Variants in ZBTB7C observed in about 807,000 individuals in gnomAD.
The protein encoded by ZBTB7C is zinc finger and BTB domain-containing protein 7C.
Under a neutral mutation model 25.7 loss-of-function variants are expected in ZBTB7C, and 8 were observed. That is an observed-to-expected ratio of 0.31 (90% CI 0.18 to 0.56). The LOEUF (loss-of-function observed/expected upper bound fraction) is 0.56, where lower values mean the gene tolerates loss of function less well. Ranked by LOEUF, ZBTB7C falls within the 20% of genes least tolerant of loss-of-function variation. The pLI is 0.91. For synonymous variants in ZBTB7C, 394 were observed against 369.0 expected (o/e 1.07, Z -0.78); for missense variants, 824 against 855.2 (o/e 0.96, Z 0.46).
intron 4 of ZBTB7C, 97 bp from the exon 5 acceptor site, chr18:48,030,008 T>C: frequency 6.5e-7 from 1 of 1,528,232 alleles, no homozygotes; most frequent in Non-Finnish European, 8.9e-7. Flanking sequence ...CGAGGCTCCC[T>C]ACTGCCATGG....
At chr18:48,242,293 T>C (rs917987704) in intron 2 of ZBTB7C, among the ~76,000 whole-genome samples, 7 of 152,172 alleles carry the variant, frequency 4.6e-5, no homozygotes, top group African/African-American at 1.4e-4. Flanking sequence ...ACCAATCCTA[T>C]TGAAACTATT....
At chr18:48,365,945 C>T (rs1053833760) in intron 1 of ZBTB7C, among the ~76,000 whole-genome samples, 8 of 152,126 alleles carry the variant, frequency 5.3e-5, no homozygotes, top group Non-Finnish European at 1.2e-4. Flanking sequence ...GTCAGAGGGG[C>T]TTCCTATTAT....
At chr18:48,286,074 C>T (rs1224917028) in intron 2 of ZBTB7C, among the ~76,000 whole-genome samples, 1 of 152,230 alleles carries the variant, frequency 6.6e-6, no homozygotes, top group Non-Finnish European at 1.5e-5. Flanking sequence ...ACATGTGAGG[C>T]CTTTGGCCTA....
chr18:48,087,562 A>G (rs912567675), intron 3 of ZBTB7C: 2 of 151,934 alleles, frequency 1.3e-5, no homozygotes, highest in Admixed American at 6.6e-5. Context: ...GGCAGGAAAA[A>G]TCCTCCAAAG....
At chr18:48,275,363 G>A (rs1250579509) in intron 2 of ZBTB7C, among the ~76,000 whole-genome samples, 1 of 152,188 alleles carries the variant, frequency 6.6e-6, no homozygotes, top group African/African-American at 2.4e-5. Flanking sequence ...ACATGCATCT[G>A]TCAGCGAATT....
At chr18:48,237,908 T>A (rs535924923) in intron 2 of ZBTB7C, among the ~76,000 whole-genome samples, 1 of 152,344 alleles carries the variant, frequency 6.6e-6, no homozygotes, top group African/African-American at 2.4e-5. Context: ...TGGAATATAG[T>A]AATAAAAATG....
intron 2 of ZBTB7C, among the ~76,000 whole-genome samples, chr18:48,306,244 A>T (rs1194538658): frequency 2.6e-5 from 4 of 151,910 alleles, no homozygotes; most frequent in Admixed American, 6.6e-5. Flanking sequence ...TTTCCTCGTG[A>T]CTCCCACTGT....
chr18:48,038,808 G>C (rs913977355), intron 4 of ZBTB7C, among the ~76,000 whole-genome samples: 4 of 152,146 alleles, frequency 2.6e-5, no homozygotes, highest in Admixed American at 6.5e-5. Context: ...AGTCTAGTAA[G>C]TCATGTTCAC....
At chr18:48,232,746 C>T (rs2145356479) in intron 2 of ZBTB7C, among the ~76,000 whole-genome samples, 1 of 152,284 alleles carries the variant, frequency 6.6e-6, no homozygotes, top group African/African-American at 2.4e-5. Context: ...TAGGGCTTTC[C>T]ATTCTCCATG....
At chr18:48,095,940 A>G (rs1449695512) in intron 3 of ZBTB7C, among the ~76,000 whole-genome samples, 1 of 152,138 alleles carries the variant, frequency 6.6e-6, no homozygotes, top group Non-Finnish European at 1.5e-5. Context: ...ATGGGAAGCC[A>G]TATTTCAATC....
chr18:48,116,067 G>A (rs1182843068), intron 3 of ZBTB7C, among the ~76,000 whole-genome samples: 1 of 151,956 alleles, frequency 6.6e-6, no homozygotes, highest in Non-Finnish European at 1.5e-5. Context: ...TGTATCAAGT[G>A]CTGCATTAAA....
chr18:48,232,726 G>A (rs2043286477), intron 2 of ZBTB7C, among the ~76,000 whole-genome samples: 1 of 152,210 alleles, frequency 6.6e-6, no homozygotes, highest in Non-Finnish European at 1.5e-5. Context: ...CTGCCTCCTA[G>A]TTAATTCAGT....
At chr18:48,213,018 C>G (rs1041063976) in intron 2 of ZBTB7C, among the ~76,000 whole-genome samples, 1 of 152,066 alleles carries the variant, frequency 6.6e-6, no homozygotes, top group Admixed American at 6.5e-5. Flanking sequence ...TTCCTCCAGC[C>G]GGAGACCGGC....
intron 2 of ZBTB7C, among the ~76,000 whole-genome samples, chr18:48,265,238 G>T (rs75236759): frequency 0.049 from 7,418 of 152,222 alleles, 219 homozygotes; most frequent in Middle Eastern, 0.085. Flanking sequence ...CTCTTTGATT[G>T]TAAGTCCCCA....
At chr18:48,351,798 T>TC (rs1259429028) in intron 1 of ZBTB7C, among the ~76,000 whole-genome samples, 1 of 152,140 alleles carries the variant, frequency 6.6e-6, no homozygotes, top group African/African-American at 2.4e-5. Flanking sequence ...GAGTGCTCGT[T>TC]CCCTCACCAA....
chr18:48,343,613 T>C (rs2046655754), intron 1 of ZBTB7C, among the ~76,000 whole-genome samples: 1 of 152,194 alleles, frequency 6.6e-6, no homozygotes, highest in African/African-American at 2.4e-5. Flanking sequence ...TGTGTGACCT[T>C]GGGTAAGCAA....
At chr18:48,197,869 T>C (rs982575195) in intron 2 of ZBTB7C, among the ~76,000 whole-genome samples, 4 of 152,220 alleles carry the variant, frequency 2.6e-5, no homozygotes, top group Non-Finnish European at 4.4e-5. Flanking sequence ...GTTCAGTTCA[T>C]AGCACATTTC....
Position 48,181,251 on chromosome 18 carries a change from G to A in ZBTB7C, c.-17+4683C>T, listed in dbSNP as rs150610513. ...GACTCTGAGCTAATGCTGTTCATATGAATGACACTCTATCCCCTTGCTCTC... is the reference window on the plus strand; with the variant it reads ...GACTCTGAGCTAATGCTGTTCATATAAATGACACTCTATCCCCTTGCTCTC... On this transcript the variant is annotated intron_variant, in intron 3 of 4. Transcript: ENST00000590800. Among the ~76,000 whole-genome samples the A allele has an allele frequency of 1.6e-3, 245 of 152,274 alleles. 1 individual carries two copies. Among genetic ancestry groups the A allele is most frequent in the African/African-American group, 5.5e-3 (230 of 41,548 alleles).
chr18:48,212,315 T>C (rs954169423), intron 2 of ZBTB7C, among the ~76,000 whole-genome samples: 4 of 152,160 alleles, frequency 2.6e-5, no homozygotes, highest in African/African-American at 9.7e-5. Context: ...GGATTAGTGG[T>C]TTCCAGGGGT....
Sources: gnomAD v4.1 joint callset for allele counts (sites outside exome capture counted in the v4.1 genomes callset) on GRCh38, gnomAD v4.1.1 for gene constraint, MANE v1.5 for transcripts, NCBI Gene and HGNC (gene_info 2026-07-23, HGNC 2026-07-21) for gene names.